Variants in SHB observed in about 807,000 individuals in gnomAD.
SHB encodes SH2 domain-containing adapter protein B.
A neutral mutation model predicts 52.3 loss-of-function variants in SHB; 20 were observed. The ratio of observed to expected loss-of-function variants is 0.38; its 90% CI spans 0.27 to 0.56. SHB has a LOEUF of 0.56. Ranked by LOEUF, SHB falls within the 20% of genes least tolerant of loss-of-function variation. SHB has a pLI of 0.71. For synonymous variants in SHB, 397 were observed against 316.5 expected (o/e 1.25, Z -2.70); for missense variants, 825 against 723.3 (o/e 1.14, Z -1.61).
chr9:38,005,101 G>A (rs1352403030), intron 2 of SHB, among the ~76,000 whole-genome samples: 1 of 152,194 alleles, frequency 6.6e-6, no homozygotes, highest in Non-Finnish European at 1.5e-5. Context: ...GCCCTCCAGG[G>A]GTTCCCAGTC....
At chr9:38,032,407 T>G (rs1341279487) in intron 1 of SHB, among the ~76,000 whole-genome samples, 6 of 152,142 alleles carry the variant, frequency 3.9e-5, no homozygotes, top group Admixed American at 3.9e-4. Context: ...AGTTTCTAAG[T>G]CCAGGCTCCT....
chr9:38,004,694 G>A (rs922877032), intron 2 of SHB, among the ~76,000 whole-genome samples: 22 of 152,364 alleles, frequency 1.4e-4, no homozygotes, highest in African/African-American at 5.0e-4. Flanking sequence ...GGAGTTGCCA[G>A]AGAGGGTAGC....
intron 1 of SHB, among the ~76,000 whole-genome samples, chr9:38,065,777 T>C (rs1470196706): frequency 6.6e-6 from 1 of 152,194 alleles, no homozygotes; most frequent in Non-Finnish European, 1.5e-5. Context: ...CCCTCTGTGC[T>C]TAGCCTACAA....
intron 3 of SHB, among the ~76,000 whole-genome samples, chr9:37,958,392 G>C (rs1385204834): frequency 4.6e-5 from 7 of 152,194 alleles, no homozygotes; most frequent in African/African-American, 1.4e-4. Context: ...CCTAAGCGCT[G>C]GAAGGATGGG....
chr9:37,927,691 C>T (rs962135229), intron 5 of SHB, among the ~76,000 whole-genome samples: 6 of 152,130 alleles, frequency 3.9e-5, no homozygotes, highest in Non-Finnish European at 7.3e-5. Flanking sequence ...AAATGATGAG[C>T]GCTCAGACTG....
chr9:38,031,394 AG>A (rs1411344009), intron 1 of SHB, among the ~76,000 whole-genome samples: 1 of 152,234 alleles, frequency 6.6e-6, no homozygotes, highest in African/African-American at 2.4e-5. Flanking sequence ...AAAGGTAAAA[AG>A]GAAATTGAGA....
At chr9:38,036,280 T>A (rs973847091) in intron 1 of SHB, among the ~76,000 whole-genome samples, 3 of 152,134 alleles carry the variant, frequency 2.0e-5, no homozygotes, top group African/African-American at 7.2e-5. Context: ...GAGGTAGAAC[T>A]AACAGGGGAA....
At chr9:37,932,291 A>G (rs933511328) in intron 5 of SHB, among the ~76,000 whole-genome samples, 3 of 151,054 alleles carry the variant, frequency 2.0e-5, no homozygotes, top group East Asian at 1.9e-4. Context: ...AAAAAAAAAA[A>G]AAAGAAAAGA....
chr9:38,066,168 C>G (rs1821958152), intron 1 of SHB, among the ~76,000 whole-genome samples: 1 of 152,180 alleles, frequency 6.6e-6, no homozygotes, highest in African/African-American at 2.4e-5. Flanking sequence ...TCTTGACATC[C>G]TGGCTATAAA....
intron 1 of SHB, among the ~76,000 whole-genome samples, chr9:38,045,358 T>C (rs1005154586): frequency 1.3e-5 from 2 of 152,118 alleles, no homozygotes; most frequent in Non-Finnish European, 2.9e-5. Context: ...CCCAGCACTC[T>C]GGGAGGCTGA....
intron 3 of SHB, among the ~76,000 whole-genome samples, chr9:37,966,872 ATGG>A (rs1820533496): frequency 6.6e-6 from 1 of 152,176 alleles, no homozygotes; most frequent in African/African-American, 2.4e-5. Flanking sequence ...TACACACACA[ATGG>A]TGGTGTTAAA....
chr9:37,985,205 C>A (rs1039082590), intron 2 of SHB, among the ~76,000 whole-genome samples: 3 of 152,220 alleles, frequency 2.0e-5, no homozygotes, highest in African/African-American at 4.8e-5. Context: ...ACTGCCTGAT[C>A]TTTTATGCTC....
At chr9:38,011,280 G>C (rs963134904) in intron 2 of SHB, among the ~76,000 whole-genome samples, 4 of 152,206 alleles carry the variant, frequency 2.6e-5, no homozygotes, top group Non-Finnish European at 4.4e-5. Context: ...GGCATGAAGG[G>C]AACCCAGAAA....
chr9:38,054,370 C>T (rs1821785907), intron 1 of SHB, among the ~76,000 whole-genome samples: 1 of 152,276 alleles, frequency 6.6e-6, no homozygotes, highest in South Asian at 2.1e-4. Flanking sequence ...CTGGAATCCA[C>T]TCCTGACAGC....
chr9:37,974,214 T>C (rs936815890), intron 3 of SHB, among the ~76,000 whole-genome samples: 1 of 152,042 alleles, frequency 6.6e-6, no homozygotes, highest in Admixed American at 6.6e-5. Context: ...CGAGATCGCA[T>C]CACTGCACTC....
intron 3 of SHB, among the ~76,000 whole-genome samples, chr9:37,959,320 C>A (rs146962102): frequency 1.3e-5 from 2 of 152,082 alleles, no homozygotes; most frequent in East Asian, 3.9e-4. Flanking sequence ...CTCCATGATG[C>A]CTCCCTGCTG....
intron 2 of SHB, among the ~76,000 whole-genome samples, chr9:38,013,652 C>T (rs1821172345): frequency 1.3e-5 from 2 of 152,224 alleles, no homozygotes; most frequent in Admixed American, 1.3e-4. Context: ...TGAACAACTA[C>T]TCACCTTTGA....
intron 2 of SHB, among the ~76,000 whole-genome samples, chr9:38,005,303 C>T (rs988164657): frequency 6.6e-6 from 1 of 152,206 alleles, no homozygotes; most frequent in African/African-American, 2.4e-5. Flanking sequence ...GAAGAGGTGG[C>T]ATTTTATTTC....
At chr9:37,958,474 T>C (rs142263777) in intron 3 of SHB, among the ~76,000 whole-genome samples, 66 of 152,312 alleles carry the variant, frequency 4.3e-4, no homozygotes, top group South Asian at 8.3e-4. Flanking sequence ...ATGGAGGCCA[T>C]GCCTTAACCT....
Sources: gnomAD v4.1 joint callset for allele counts (sites outside exome capture counted in the v4.1 genomes callset) on GRCh38, gnomAD v4.1.1 for gene constraint, MANE v1.5 for transcripts, NCBI Gene and HGNC (gene_info 2026-07-23, HGNC 2026-07-21) for gene names.